The following FHOD3 variants were observed in gnomAD, a reference collection of about 807,000 sequenced individuals.
FHOD3 encodes FH1/FH2 domain-containing protein 3.
Under a neutral mutation model 173.0 loss-of-function variants are expected in FHOD3, and 90 were observed. The observed-to-expected ratio is 0.52, with a 90% CI of 0.44 to 0.62. The LOEUF (loss-of-function observed/expected upper bound fraction) is 0.62. Among genes scored for constraint, FHOD3 ranks in the 20% least tolerant of loss-of-function variants. The pLI, the probability that FHOD3 is intolerant of heterozygous loss-of-function variation, is 0.00. For synonymous variants in FHOD3, 828 were observed against 823.0 expected, an observed-to-expected ratio of 1.01 and a Z score of -0.10; for missense variants, 1,945 against 2,034.7, an observed-to-expected ratio of 0.96 and a Z score of 0.85.
intron 3 of FHOD3, among the ~76,000 whole-genome samples, chr18:36,473,145 C>T (rs1410680330): frequency 6.6e-6 from 1 of 152,158 alleles, no homozygotes; most frequent in Non-Finnish European, 1.5e-5. Flanking sequence ...GTTAGAAATG[C>T]ACCACCTGTC....
chr18:36,468,142 G>C (rs1381659937), intron 3 of FHOD3, among the ~76,000 whole-genome samples: 1 of 152,160 alleles, frequency 6.6e-6, no homozygotes, highest in Non-Finnish European at 1.5e-5. Flanking sequence ...ACAAGCAAGG[G>C]TCGAATGCTG....
intron 2 of FHOD3, among the ~76,000 whole-genome samples, chr18:36,356,385 A>G (rs1017593488): frequency 6.6e-6 from 1 of 152,236 alleles, no homozygotes; most frequent in Non-Finnish European, 1.5e-5. Flanking sequence ...AGAGATGTGC[A>G]CAGAAAGTGA....
At chr18:36,711,389 T>C (rs907192447) in intron 18 of FHOD3, 1 of 152,242 alleles carries the variant, frequency 6.6e-6, no homozygotes, top group African/African-American at 2.4e-5. Flanking sequence ...TTATGTGGTT[T>C]AATTTTTCTT....
chr18:36,699,829 A>T (rs1351673502), intron 17 of FHOD3, among the ~76,000 whole-genome samples: 1 of 152,190 alleles, frequency 6.6e-6, no homozygotes, highest in East Asian at 1.9e-4. Flanking sequence ...TGGGCATGAT[A>T]TGCATCTTTG....
At chr18:36,528,685 C>T (rs533864497) in intron 5 of FHOD3, among the ~76,000 whole-genome samples, 12 of 152,312 alleles carry the variant, frequency 7.9e-5, no homozygotes, top group African/African-American at 2.2e-4. Flanking sequence ...ACAACGCCAG[C>T]GCCACACGCA....
chr18:36,760,759 G>C lies in FHOD3; in HGVS notation c.4601G>C (p.Arg1534Pro). Residue 1534 changes from arginine to proline, a missense_variant, in exon 27 of 29, where the codon CGC (arginine) becomes CCC (proline). This residue lies in a region of FHOD3 where 354 missense variants were observed against 359.9 expected (regional missense o/e 0.98). Transcript: ENST00000590592. ...GACGCCACCCCCGCGCTGGGCGTCC[G>C]CACACGCAGCCGAGCAAGCCGAGGT... The part of the protein sequence containing the change: ...VEDATPALGV[R>P]TRSRASRGST... The C allele has an allele frequency of 6.2e-7, 1 of 1,609,962 alleles. No individual in the cohort carries two copies. The highest frequency in any genetic ancestry group is 1.1e-5 in the South Asian group (1 of 90,856).
chr18:36,339,766 C>T (rs547384525), intron 1 of FHOD3, among the ~76,000 whole-genome samples: 10 of 152,222 alleles, frequency 6.6e-5, no homozygotes, highest in East Asian at 1.9e-4. Context: ...TGAGTATCCC[C>T]GTGCCTGAGA....
intron 4 of FHOD3, among the ~76,000 whole-genome samples, chr18:36,509,311 C>T (rs966060476): frequency 1.3e-5 from 2 of 151,760 alleles, no homozygotes; most frequent in Non-Finnish European, 2.9e-5. Flanking sequence ...CCTGTAGTCC[C>T]AGCTACTCGG....
At chr18:36,492,764 C>T (rs897876364) in intron 3 of FHOD3, among the ~76,000 whole-genome samples, 1 of 152,164 alleles carries the variant, frequency 6.6e-6, no homozygotes, top group Admixed American at 6.5e-5. Context: ...TACCTCAAGC[C>T]TCCACTACTC....
chr18:36,383,272 G>C (rs897235387), intron 3 of FHOD3, among the ~76,000 whole-genome samples: 1 of 152,290 alleles, frequency 6.6e-6, no homozygotes, highest in South Asian at 2.1e-4. Flanking sequence ...AAGCAGAGTT[G>C]GTGCTGTCCT....
intron 2 of FHOD3, among the ~76,000 whole-genome samples, chr18:36,356,636 T>C (rs1359900569): frequency 6.6e-6 from 1 of 151,722 alleles, no homozygotes; most frequent in Non-Finnish European, 1.5e-5. Context: ...ATTTTATATA[T>C]ATATATATGT....
chr18:36,460,442 C>T (rs1210942746), intron 3 of FHOD3, among the ~76,000 whole-genome samples: 1 of 152,210 alleles, frequency 6.6e-6, no homozygotes, highest in East Asian at 1.9e-4. Flanking sequence ...GTAAGCCACA[C>T]ATCACCATGC....
chr18:36,367,350 C>T lies in FHOD3; in HGVS notation c.273-5330C>T, dbSNP rs557649809. Reference sequence around the variant, plus strand: ...GTGAGCAGCCCATTGGTTGTGGCTGCCTGCTCCAAAGAGTGGCTGTTCAGA... The same window carrying T: ...GTGAGCAGCCCATTGGTTGTGGCTGTCTGCTCCAAAGAGTGGCTGTTCAGA... On this transcript the variant is annotated intron_variant, in intron 2 of 28. Coordinates refer to ENST00000590592, the MANE Select transcript of FHOD3 (RefSeq NM_001281740.3). 4.6e-5 allele frequency among the ~76,000 whole-genome samples: 7 copies of T among 152,268 alleles called. No individual in the cohort carries two copies. In the East Asian group the frequency reaches 1.4e-3, roughly 29 times the overall value.
At chr18:36,523,489 A>G (rs1257942652) in intron 5 of FHOD3, among the ~76,000 whole-genome samples, 1 of 152,246 alleles carries the variant, frequency 6.6e-6, no homozygotes, top group East Asian at 1.9e-4. Context: ...AGCAGGAAAG[A>G]GCGCCACAGC....
intron 1 of FHOD3, among the ~76,000 whole-genome samples, chr18:36,339,764 C>T (rs2045517307): frequency 6.6e-6 from 1 of 152,128 alleles, no homozygotes; most frequent in African/African-American, 2.4e-5. Flanking sequence ...AGTGAGTATC[C>T]CCGTGCCTGA....
At chr18:36,702,100 A>C (rs948102637) in intron 17 of FHOD3, among the ~76,000 whole-genome samples, 5 of 152,224 alleles carry the variant, frequency 3.3e-5, no homozygotes, top group African/African-American at 4.8e-5. Context: ...GCCCATCCTC[A>C]TGCAACTATT....
intron 3 of FHOD3, among the ~76,000 whole-genome samples, chr18:36,426,720 A>G (rs1051612654): frequency 2.0e-5 from 3 of 152,190 alleles, no homozygotes; most frequent in African/African-American, 7.2e-5. Context: ...CTTCTCATAC[A>G]CTGTATTAGT....
At chr18:36,480,510 G>A (rs2053824751) in intron 3 of FHOD3, among the ~76,000 whole-genome samples, 6 of 152,116 alleles carry the variant, frequency 3.9e-5, no homozygotes, top group Admixed American at 3.9e-4. Context: ...CACCTTCAAG[G>A]GCATTATTGA....
chr18:36,483,057 C>T (rs983262814), intron 3 of FHOD3, among the ~76,000 whole-genome samples: 1 of 152,152 alleles, frequency 6.6e-6, no homozygotes, highest in Non-Finnish European at 1.5e-5. Flanking sequence ...ACTTCAAATG[C>T]AGCTCCAAGG....
Sources: gnomAD v4.1 joint callset for allele counts (sites outside exome capture counted in the v4.1 genomes callset) on GRCh38, gnomAD v4.1.1 for gene constraint, gnomAD v4.1.1 regional missense constraint, MANE v1.5 for transcripts, NCBI Gene and HGNC (gene_info 2026-07-23, HGNC 2026-07-21) for gene names.